Variants in FAM8A1 observed in about 807,000 individuals in gnomAD.
The protein encoded by FAM8A1 is family with sequence similarity 8 member A1.
FAM8A1 carries 18 observed loss-of-function variants against 38.3 expected under a neutral mutation model. That is an observed-to-expected ratio of 0.47 (90% CI 0.33 to 0.70). FAM8A1 has a LOEUF of 0.70. FAM8A1 is among the 30% of genes least tolerant of loss of function. The pLI, the probability that FAM8A1 is intolerant of heterozygous loss-of-function variation, is 0.03. For synonymous variants in FAM8A1, 246 were observed against 234.4 expected, an observed-to-expected ratio of 1.05 and a Z score of -0.45; for missense variants, 559 against 559.6, an observed-to-expected ratio of 1.00 and a Z score of 0.01.
At position 17,601,062 on chromosome 6, in the gene FAM8A1, T is replaced by C; in HGVS notation, c.653T>C (p.Val218Ala). The change falls in exon 1 of 5, where the codon GTG becomes GCG. Residue 218 changes from valine (V) to alanine (A), a missense_variant. This residue lies in a region of FAM8A1 where 393 missense variants were observed against 338.9 expected (regional missense o/e 1.16). Transcript: ENST00000259963. ...CAGGCGTCGGTCCGGGCCACTCCAG[T>C]GACGAGGGTAGGATCCGCAGCCCCT... ...HVQASVRATP[V>A]TRVGSAAPSR... is the part of the protein sequence containing the mutation. 1 of 1,598,132 alleles carries C rather than the reference T, an allele frequency of 6.3e-7. No homozygotes were observed.
chr6:17,600,998 G>A lies in FAM8A1; in HGVS notation c.589G>A (p.Ala197Thr), dbSNP rs763248511. The A allele has an allele frequency of 6.3e-7, 1 of 1,589,426 alleles. No homozygotes were observed. Among genetic ancestry groups the A allele is most frequent in the South Asian group, 1.1e-5 (1 of 88,410 alleles). ...PRTAAGISTPAPVAGLGPRAP... is the reference protein window; with the variant it reads ...PRTAAGISTPTPVAGLGPRAP... ...GACAGCTGCCGGCATCAGCACCCCTGCTCCAGTCGCGGGCCTGGGACCCCG... is the reference window on the plus strand; with the variant it reads ...GACAGCTGCCGGCATCAGCACCCCTACTCCAGTCGCGGGCCTGGGACCCCG... The change falls in exon 1 of 5, where the codon GCT (alanine) becomes ACT (threonine). Residue 197 changes from alanine (A) to threonine (T), a missense_variant. Transcript: ENST00000259963.
In FAM8A1 at chr6:17,608,257, C is replaced by G; in HGVS notation, c.1160C>G (p.Thr387Arg). 2 of 1,613,816 alleles carry G rather than the reference C, an allele frequency of 1.2e-6. No individual in the cohort carries two copies. Among genetic ancestry groups the G allele is most frequent in the Non-Finnish European group, 8.5e-7 (1 of 1,179,804 alleles). The stretch of plus-strand genomic sequence containing the variant: ...GCTTCTTTTTTCCCTGCTTTCATCA[C>G]ACTGCTGTTTTTTCAGCATAATCGA... ...SIASFFPAFI[T>R]LLFFQHNRTA... Residue 387 changes from threonine (T) to arginine (R), a missense_variant, in exon 5 of 5, where the codon ACA becomes AGA. Physicochemically the swap from Thr to Arg is moderately conservative, Grantham distance 71. This residue lies in a region of FAM8A1 where 166 missense variants were observed against 220.8 expected (regional missense o/e 0.75). Coordinates refer to ENST00000259963, the MANE Select transcript of FAM8A1 (RefSeq NM_016255.3).
chr6:17,601,077 C>T lies in FAM8A1; in HGVS notation c.668C>T (p.Ser223Phe), dbSNP rs774129150. 9 of 1,599,386 alleles carry T rather than the reference C, an allele frequency of 5.6e-6. No individual in the cohort carries two copies. The highest frequency in any genetic ancestry group is 1.1e-5 in the South Asian group (1 of 88,844). The change falls in exon 1 of 5, where the codon TCC becomes TTC. Residue 223 changes from serine to phenylalanine, a missense_variant. This residue lies in a region of FAM8A1 where 393 missense variants were observed against 338.9 expected (regional missense o/e 1.16). Coordinates refer to ENST00000259963, the MANE Select transcript of FAM8A1 (RefSeq NM_016255.3). ...GCCACTCCAGTGACGAGGGTAGGAT[C>T]CGCAGCCCCTTCGCGAAGCCCGAGC... Reference protein sequence around the residue: ...VRATPVTRVGSAAPSRSPSET... With the variant: ...VRATPVTRVGFAAPSRSPSET...
At position 17,609,757 on chromosome 6, in the gene FAM8A1, G is replaced by T. The variant is rs1399169320; in HGVS notation, c.*1418G>T. On this transcript the variant is annotated 3_prime_UTR_variant, in exon 5 of 5. Coordinates refer to ENST00000259963, the MANE Select transcript of FAM8A1 (RefSeq NM_016255.3). ...AACTGCATTGCACAGTTCAAAATTT[G>T]ATTACTTAAGGGATCAATCTAGGTG... 1 of 152,070 alleles carries T rather than the reference G, an allele frequency of 6.6e-6. No individual in the cohort carries two copies. The highest frequency in any genetic ancestry group is 1.5e-5 in the Non-Finnish European group (1 of 68,000). The allele number at this position is 152,070 out of a possible 1,614,324, so 9.4% of individuals were successfully genotyped here. A position where few individuals can be genotyped will look rare whatever the true frequency, so the allele number is the denominator to read the frequency against.
At chr6:17,607,247 A>G (rs1172068196) in intron 4 of FAM8A1, among the ~76,000 whole-genome samples, 2 of 143,744 alleles carry the variant, frequency 1.4e-5, no homozygotes, top group Non-Finnish European at 3.0e-5. Context: ...CGACAGAGCA[A>G]GACTCCATCT....
At position 17,606,781 on chromosome 6, in the gene FAM8A1, G is replaced by A. The variant is rs561574182; in HGVS notation, c.1097+768G>A. ...TCAAGGTTAGCTGTTGGCATCTAGC[G>A]CTGGGGGAAGGTACAACCAGTGATA... On this transcript the variant is annotated intron_variant, in intron 4 of 4. Transcript: ENST00000259963. 3.9e-4 allele frequency among the ~76,000 whole-genome samples: 60 copies of A among 152,220 alleles called. 1 individual carries two copies. The South Asian group carries it at 0.011, about 27-fold the overall frequency.
At chr6:17,602,830 C>G (rs1000728597) in intron 2 of FAM8A1, 120 bp downstream of exon 2, 30 of 893,650 alleles carry the variant, frequency 3.4e-5, no homozygotes, top group African/African-American at 6.9e-5. Flanking sequence ...GTCATGATTT[C>G]TTTATAAGAG....
At chr6:17,602,491 T>C (rs1419109711) in intron 1 of FAM8A1, 99 bp from the exon 2 acceptor site, 4 of 1,184,610 alleles carry the variant, frequency 3.4e-6, no homozygotes, top group Non-Finnish European at 4.7e-6. Context: ...TATTAAGTTG[T>C]ACCTTGACTT....
At chr6:17,604,270 C>T (rs1358217223) in intron 2 of FAM8A1, among the ~76,000 whole-genome samples, 5 of 152,126 alleles carry the variant, frequency 3.3e-5, no homozygotes, top group Non-Finnish European at 7.4e-5. Context: ...GTGGTTTATA[C>T]TCAGGAGGCT....
In FAM8A1 at chr6:17,606,009, A is replaced by G. The variant is rs1380941947; in HGVS notation, c.1093A>G (p.Thr365Ala). The G allele has an allele frequency of 1.9e-6, 3 of 1,553,652 alleles. No homozygotes were observed. Among genetic ancestry groups the G allele is most frequent in the Non-Finnish European group, 1.8e-6 (2 of 1,140,590 alleles). ...GATTCCTTCCTCAAATGTTAGCATT[A>G]CAACGTAAGTCCTTTTCTTAGCTTA... ...LVIPSSNVSITTSTIRALIKN... is the reference protein window; with the variant it reads ...LVIPSSNVSIATSTIRALIKN... The change falls in exon 4 of 5, where the codon ACA becomes GCA. Residue 365 changes from threonine to alanine, a missense_variant. Transcript: ENST00000259963.
rs887089484 is a variant in FAM8A1, at chr6:17,611,687, A to G, written c.*3348A>G. 3.9e-5 allele frequency: 6 copies of G among 152,166 alleles called. No homozygotes were observed. Among genetic ancestry groups the G allele is most frequent in the African/African-American group, 1.4e-4 (6 of 41,432 alleles). The allele number at this position is 152,166 out of a possible 1,614,324, so 9.4% of individuals were successfully genotyped here. ...AATTTGTATGCCACCAATTTGTATT[A>G]TTTGTCTCAATAAATACTTAGTCAT... On this transcript the variant is annotated 3_prime_UTR_variant, in exon 5 of 5. Coordinates refer to ENST00000259963, the MANE Select transcript of FAM8A1 (RefSeq NM_016255.3).
intron 2 of FAM8A1, among the ~76,000 whole-genome samples, chr6:17,604,191 G>A (rs1220286110): frequency 6.6e-6 from 1 of 152,038 alleles, no homozygotes; most frequent in Non-Finnish European, 1.5e-5. Flanking sequence ...GATTACATGC[G>A]TGAGCCACCA....
intron 1 of FAM8A1, among the ~76,000 whole-genome samples, chr6:17,602,031 G>A (rs1763991800): frequency 6.6e-6 from 1 of 152,134 alleles, no homozygotes; most frequent in African/African-American, 2.4e-5. Context: ...GTTTTCTAGG[G>A]GGAAAGTGGG....
In FAM8A1 at chr6:17,610,042, C is replaced by T. The variant is rs554677619; in HGVS notation, c.*1703C>T. ...TACTAAATAAATCATTCAGTTGCACCCATGGGGAAGATTGTGTTACTGCCC... is the reference window on the plus strand; with the variant it reads ...TACTAAATAAATCATTCAGTTGCACTCATGGGGAAGATTGTGTTACTGCCC... On this transcript the variant is annotated 3_prime_UTR_variant, in exon 5 of 5. Coordinates refer to ENST00000259963, the MANE Select transcript of FAM8A1 (RefSeq NM_016255.3). The T allele has an allele frequency of 6.6e-6, 1 of 151,870 alleles. No homozygotes were observed. Among genetic ancestry groups the T allele is most frequent in the Non-Finnish European group, 1.5e-5 (1 of 67,928 alleles). The allele number at this position is 151,870 out of a possible 1,614,324, so 9.4% of individuals were successfully genotyped here.
In FAM8A1 at chr6:17,605,986, T is replaced by G. The variant is rs780737335; in HGVS notation, c.1070T>G (p.Ile357Ser). ...ATTGCACCAAGTCGGGTTTTAGTGATTCCTTCCTCAAATGTTAGCATTACA... is the reference window on the plus strand; with the variant it reads ...ATTGCACCAAGTCGGGTTTTAGTGAGTCCTTCCTCAAATGTTAGCATTACA... ...VLIAPSRVLV[I>S]PSSNVSITTS... Residue 357 changes from isoleucine to serine, a missense_variant, in exon 4 of 5, where the codon ATT (isoleucine) becomes AGT (serine). Ile to Ser is a moderately radical substitution (Grantham distance 142, BLOSUM62 -2). Coordinates refer to ENST00000259963, the MANE Select transcript of FAM8A1 (RefSeq NM_016255.3). 20 of 1,571,756 alleles carry G rather than the reference T, an allele frequency of 1.3e-5. No individual in the cohort carries two copies. The highest frequency in any genetic ancestry group is 1.6e-5 in the Non-Finnish European group (19 of 1,151,834).
rs1213660371 is a variant in FAM8A1, at chr6:17,610,317, C to G, written c.*1978C>G. ...ACTATAAAACAAAAGCAAACTAGTC[C>G]AGTTTAATTTTTTGTACTTAGAATA... On this transcript the variant is annotated 3_prime_UTR_variant, in exon 5 of 5. Transcript: ENST00000259963. 5 of 151,924 alleles carry G rather than the reference C, an allele frequency of 3.3e-5. No homozygotes were observed. In the East Asian group the frequency reaches 9.7e-4, roughly 29 times the overall value. The allele number at this position is 151,924 out of a possible 1,614,324, so 9.4% of individuals were successfully genotyped here.
At position 17,608,991 on chromosome 6, in the gene FAM8A1, A is replaced by G. The variant is rs979538536; in HGVS notation, c.*652A>G. The G allele has an allele frequency of 6.6e-6, 1 of 152,098 alleles. No homozygotes were observed. Among genetic ancestry groups the G allele is most frequent in the South Asian group, 2.1e-4 (1 of 4,832 alleles). 9.4% of individuals were successfully genotyped at this position (152,098 alleles called of 1,614,324 possible). On this transcript the variant is annotated 3_prime_UTR_variant, in exon 5 of 5. Coordinates refer to ENST00000259963, the MANE Select transcript of FAM8A1 (RefSeq NM_016255.3). ...AATGCTTGAACATGTATTTAGGGGC[A>G]AGTTTCTCATGATGATGAAAAAGTA...
At position 17,611,041 on chromosome 6, in the gene FAM8A1, T is replaced by TTGTC. The variant is rs1437641593; in HGVS notation, c.*2703_*2706dup. 6.6e-6 allele frequency: 1 copy of TTGTC among 152,200 alleles called. No individual in the cohort carries two copies. The highest frequency in any genetic ancestry group is 1.9e-4 in the East Asian group (1 of 5,204). The allele number at this position is 152,200 out of a possible 1,614,324, so 9.4% of individuals were successfully genotyped here. A position where few individuals can be genotyped will look rare whatever the true frequency, so the allele number is the denominator to read the frequency against. On this transcript the variant is annotated 3_prime_UTR_variant, in exon 5 of 5. Coordinates refer to ENST00000259963, the MANE Select transcript of FAM8A1 (RefSeq NM_016255.3). ...ACTTTTGGAACTAATAAGCCTTCAC[T>TTGTC]TGTCAGTATCATAAAGAGTATTGCC...
rs1356282380 is a variant in FAM8A1, at chr6:17,608,666, A to G, written c.*327A>G. On this transcript the variant is annotated 3_prime_UTR_variant, in exon 5 of 5. Transcript: ENST00000259963. The stretch of plus-strand genomic sequence containing the variant: ...AGCATTTTCAGCTTTGAAATCTCCA[A>G]ATGAAACTTTAAAATTTATTTTGGT... 1.1e-5 allele frequency: 2 copies of G among 189,132 alleles called. No individual in the cohort carries two copies. The highest frequency in any genetic ancestry group is 4.7e-5 in the African/African-American group (2 of 42,938). The allele number at this position is 189,132 out of a possible 1,614,324, so 11.7% of individuals were successfully genotyped here.
Sources: allele counts gnomAD v4.1 joint callset (sites outside exome capture counted in the v4.1 genomes callset), GRCh38; gene constraint gnomAD v4.1.1; regional missense constraint gnomAD v4.1.1; transcripts MANE v1.5; gene names NCBI Gene and HGNC (gene_info 2026-07-23, HGNC 2026-07-21).